The following WDFY4 variants were observed in gnomAD, a reference collection of about 807,000 sequenced individuals.
WDFY4 encodes the protein WD repeat- and FYVE domain-containing protein 4.
WDFY4 carries 169 observed loss-of-function variants against 351.9 expected under a neutral mutation model. That is an observed-to-expected ratio of 0.48 (90% confidence interval 0.42 to 0.55). The LOEUF (loss-of-function observed/expected upper bound fraction) is 0.55, where lower values mean the gene tolerates loss of function less well. Ranked by LOEUF, WDFY4 falls within the 20% of genes least tolerant of loss-of-function variation. The pLI, the probability that WDFY4 is intolerant of heterozygous loss-of-function variation, is 0.00. For synonymous variants in WDFY4, 1,622 were observed against 1,574.6 expected (o/e 1.03, Z -0.71); for missense variants, 3,803 against 3,935.6 (o/e 0.97, Z 0.90).
At chr10:48,878,347 A>C (rs1471611218) in intron 43 of WDFY4, 2 of 152,278 alleles carry the variant, frequency 1.3e-5, no homozygotes, top group African/African-American at 4.8e-5. Context: ...ATCTGAACCA[A>C]GACCCAGGGA....
intron 45 of WDFY4, among the ~76,000 whole-genome samples, chr10:48,898,161 C>T (rs917362713): frequency 2.0e-5 from 3 of 152,212 alleles, no homozygotes; most frequent in Non-Finnish European, 2.9e-5. Context: ...GTGATGGTGG[C>T]TCCTTTCAGA....
At chr10:48,848,975 A>G (rs190114210) in intron 39 of WDFY4, among the ~76,000 whole-genome samples, 72 of 152,234 alleles carry the variant, frequency 4.7e-4, no homozygotes, top group African/African-American at 1.6e-3. Context: ...GAGAATGACC[A>G]ATGAGAACTT....
rs752620085 is a variant in WDFY4, at chr10:48,969,217, G to A, written c.8738G>A (p.Ser2913Asn). 2 of 1,551,420 alleles carry A rather than the reference G, an allele frequency of 1.3e-6. No homozygotes were observed. The highest frequency in any genetic ancestry group is 1.7e-6 in the Non-Finnish European group (2 of 1,146,936). ...TTCAGCTGGGGCTTTGATGACTTCA[G>A]CTGCTGCTTGGGGAGCTACGGCTCC... ...RTFSWGFDDFSCCLGSYGSDK... is the reference protein window; with the variant it reads ...RTFSWGFDDFNCCLGSYGSDK... Residue 2913 changes from serine to asparagine, a missense_variant, in exon 56 of 62, where the codon AGC (serine) becomes AAC (asparagine). Physicochemically the swap from Ser to Asn is conservative, Grantham distance 46. Transcript: ENST00000325239.
chr10:48,906,086 C>T (rs190398613), intron 47 of WDFY4, among the ~76,000 whole-genome samples: 1 of 152,212 alleles, frequency 6.6e-6, no homozygotes, highest in African/African-American at 2.4e-5. Flanking sequence ...TTTTGGATCA[C>T]TGGAGGCAAT....
chr10:48,789,621 AC>A (rs1471648688), intron 21 of WDFY4, among the ~76,000 whole-genome samples: 4 of 152,208 alleles, frequency 2.6e-5, no homozygotes, highest in Non-Finnish European at 5.9e-5. Context: ...AGCACGTGGG[AC>A]ACTGGTGGCT....
At chr10:48,765,464 A>G (rs961698546) in intron 13 of WDFY4, among the ~76,000 whole-genome samples, 5 of 152,238 alleles carry the variant, frequency 3.3e-5, no homozygotes, top group Non-Finnish European at 7.3e-5. Flanking sequence ...GGAGCTTAGC[A>G]TGGTGAGCAG....
intron 47 of WDFY4, among the ~76,000 whole-genome samples, chr10:48,934,387 C>T (rs1456106479): frequency 1.3e-5 from 2 of 152,176 alleles, no homozygotes; most frequent in African/African-American, 2.4e-5. Context: ...CCTGACATGT[C>T]GATTTTCATC....
intron 39 of WDFY4, among the ~76,000 whole-genome samples, chr10:48,847,836 T>C (rs1336321309): frequency 6.6e-6 from 1 of 152,176 alleles, no homozygotes; most frequent in Non-Finnish European, 1.5e-5. Context: ...AACATCACAG[T>C]TCGAAAAAGA....
At chr10:48,958,566 G>A (rs914949032) in intron 52 of WDFY4, among the ~76,000 whole-genome samples, 2 of 152,174 alleles carry the variant, frequency 1.3e-5, no homozygotes, top group African/African-American at 4.8e-5. Flanking sequence ...AAAGTCAGGA[G>A]AACAAGTGGT....
At chr10:48,735,072 T>C (rs2064611185) in intron 10 of WDFY4, among the ~76,000 whole-genome samples, 1 of 151,328 alleles carries the variant, frequency 6.6e-6, no homozygotes, top group African/African-American at 2.4e-5. Context: ...ATTACAGGCG[T>C]GAGCCACCAC....
At chr10:48,913,269 T>C (rs1377135764) in intron 47 of WDFY4, 3 of 899,520 alleles carry the variant, frequency 3.3e-6, no homozygotes, top group Non-Finnish European at 5.1e-6. Context: ...AGGAGTTTTA[T>C]GGGCTTGGCT....
At chr10:48,901,975 C>G (rs1837379225) in intron 47 of WDFY4, 112 bp downstream of exon 47, 2 of 955,914 alleles carry the variant, frequency 2.1e-6, no homozygotes, top group Non-Finnish European at 3.3e-6. Context: ...CCAACAGTTT[C>G]CCTCATTTTT....
intron 20 of WDFY4, 108 bp downstream of exon 20, chr10:48,786,978 C>A: frequency 1.1e-6 from 1 of 923,052 alleles, no homozygotes; most frequent in Non-Finnish European, 1.6e-6. Flanking sequence ...TAAAGTCAGT[C>A]ATTAGGGAAG....
chr10:48,907,426 A>G (rs1289438582), intron 47 of WDFY4, among the ~76,000 whole-genome samples: 1 of 152,248 alleles, frequency 6.6e-6, no homozygotes, highest in Non-Finnish European at 1.5e-5. Flanking sequence ...AGTTCCTAAA[A>G]TCATTCTTAA....
chr10:48,923,804 G>T (rs1433737294), intron 47 of WDFY4, among the ~76,000 whole-genome samples: 1 of 152,052 alleles, frequency 6.6e-6, no homozygotes, highest in African/African-American at 2.4e-5. Context: ...GCTGCCTTTT[G>T]GTTTTCTTCT....
chr10:48,961,831 AT>A (rs201863298), intron 53 of WDFY4, among the ~76,000 whole-genome samples: 115 of 150,212 alleles, frequency 7.7e-4, no homozygotes, highest in African/African-American at 1.1e-3. Context: ...ATCTTTTGTG[AT>A]TTTTTTTTTA....
At chr10:48,934,410 A>G (rs1223767194) in intron 47 of WDFY4, among the ~76,000 whole-genome samples, 1 of 152,172 alleles carries the variant, frequency 6.6e-6, no homozygotes, top group Non-Finnish European at 1.5e-5. Flanking sequence ...CACCGGGGGG[A>G]TACAGCAATT....
Position 48,778,648 on chromosome 10 carries a change from C to T in WDFY4, c.3213C>T (p.Thr1071=), listed in dbSNP as rs2066116711. 3 of 1,551,458 alleles carry T rather than the reference C, an allele frequency of 1.9e-6. No homozygotes were observed. The highest frequency in any genetic ancestry group is 1.4e-5 in the African/African-American group (1 of 73,066). ...TRPFPPPGGL[T]FSCWFLISRH... Reference sequence around the variant, plus strand: ...CGTTCCCTCCTCCTGGAGGTCTGACCTTCTCCTGCTGGTTCCTGATCAGCC... The same window carrying T: ...CGTTCCCTCCTCCTGGAGGTCTGACTTTCTCCTGCTGGTTCCTGATCAGCC... The change falls in exon 18 of 62, where the codon ACC becomes ACT. Residue 1071 remains threonine, a synonymous_variant. Coordinates refer to ENST00000325239, the MANE Select transcript of WDFY4 (RefSeq NM_001394531.1).
intron 13 of WDFY4, among the ~76,000 whole-genome samples, chr10:48,769,124 C>T (rs1438162015): frequency 6.6e-6 from 1 of 152,208 alleles, no homozygotes; most frequent in Non-Finnish European, 1.5e-5. Context: ...TTGGAGCAGG[C>T]ACCCACCCAT....
Sources: allele counts gnomAD v4.1 joint callset (sites outside exome capture counted in the v4.1 genomes callset), GRCh38; gene constraint gnomAD v4.1.1; transcripts MANE v1.5; gene names NCBI Gene and HGNC (gene_info 2026-07-23, HGNC 2026-07-21).